PIP5K1B: variants seen among roughly 807,000 people sequenced by gnomAD.
PIP5K1B encodes phosphatidylinositol-4-phosphate 5-kinase type 1 beta.
In PIP5K1B, 42 loss-of-function variants were observed where a neutral mutation model predicts 67.0. That is an observed-to-expected ratio of 0.63 (90% CI 0.49 to 0.81). The LOEUF is 0.81. Among genes scored for constraint, PIP5K1B ranks in the 30% least tolerant of loss-of-function variants. PIP5K1B has a pLI of 0.00. For synonymous variants in PIP5K1B, 214 were observed against 231.4 expected (o/e 0.92, Z 0.68); for missense variants, 459 against 646.3 (o/e 0.71, Z 3.14).
chr9:68,759,171 G>A (rs2132382095), intron 2 of PIP5K1B, among the ~76,000 whole-genome samples: 1 of 152,226 alleles, frequency 6.6e-6, no homozygotes, highest in Non-Finnish European at 1.5e-5. Flanking sequence ...TAGAAATGGT[G>A]AATATCTGGT....
At position 68,972,086 on chromosome 9, in the gene PIP5K1B, C is replaced by G. The variant is rs148404663; in HGVS notation, c.1503-19054C>G. ...CATGTCTATGTCCTGAATGGTAATGCCTAGGTTTTCTTCTAGGGTTTTTAT... is the reference window on the plus strand; with the variant it reads ...CATGTCTATGTCCTGAATGGTAATGGCTAGGTTTTCTTCTAGGGTTTTTAT... On this transcript the variant is annotated intron_variant, in intron 14 of 15. Transcript: ENST00000265382. Among the ~76,000 whole-genome samples, 1,451 of 152,170 alleles carry G rather than the reference C, an allele frequency of 9.5e-3. 25 individuals are homozygous for G. The highest frequency in any genetic ancestry group is 0.033 in the African/African-American group (1,386 of 41,510).
chr9:68,868,430 T>C (rs914533808), intron 5 of PIP5K1B, among the ~76,000 whole-genome samples: 2 of 152,240 alleles, frequency 1.3e-5, no homozygotes, highest in African/African-American at 4.8e-5. Context: ...GAACACTATT[T>C]GGTATATGAA....
At chr9:68,861,832 ATGG>A (rs1351904947) in intron 4 of PIP5K1B, among the ~76,000 whole-genome samples, 3 of 152,044 alleles carry the variant, frequency 2.0e-5, no homozygotes, top group Admixed American at 1.3e-4. Flanking sequence ...CTGACGCCAA[ATGG>A]TGGCATTGCA....
intron 2 of PIP5K1B, among the ~76,000 whole-genome samples, chr9:68,815,242 A>G (rs12551225): frequency 0.29 from 42,461 of 148,452 alleles, 6,185 homozygotes; most frequent in Admixed American, 0.34. Context: ...GGAATACTTT[A>G]TAGCCTAAAT....
intron 5 of PIP5K1B, among the ~76,000 whole-genome samples, chr9:68,866,489 A>G (rs975547278): frequency 1.3e-5 from 2 of 152,156 alleles, no homozygotes; most frequent in Non-Finnish European, 2.9e-5. Context: ...TACATAATAA[A>G]TATAAAATAG....
chr9:68,784,132 G>A (rs527682989), intron 2 of PIP5K1B: 1 of 167,196 alleles, frequency 6.0e-6, no homozygotes, highest in Non-Finnish European at 1.5e-5. Context: ...ATCAGATAAG[G>A]TTCTAAGGGC....
intron 2 of PIP5K1B, among the ~76,000 whole-genome samples, chr9:68,813,322 T>C (rs147979821): frequency 6.6e-6 from 1 of 152,288 alleles, no homozygotes; most frequent in Non-Finnish European, 1.5e-5. Flanking sequence ...GAAGTCCAAA[T>C]TGTTCATTAA....
At chr9:68,804,164 A>C (rs1224060577) in intron 2 of PIP5K1B, among the ~76,000 whole-genome samples, 1 of 152,104 alleles carries the variant, frequency 6.6e-6, no homozygotes, top group Admixed American at 6.5e-5. Context: ...CAAGGTGAAG[A>C]AGAGGTTTCA....
chr9:68,766,917 A>C (rs951495248), intron 2 of PIP5K1B, among the ~76,000 whole-genome samples: 2 of 152,204 alleles, frequency 1.3e-5, no homozygotes, highest in African/African-American at 2.4e-5. Flanking sequence ...AGAGTCAGTA[A>C]CCATGAAAGA....
In PIP5K1B at chr9:68,992,043, G is replaced by A. The variant is rs531293056; in HGVS notation, c.1620+786G>A. Among the ~76,000 whole-genome samples the A allele has an allele frequency of 7.2e-5, 11 of 152,102 alleles. No individual in the cohort carries two copies. The East Asian group carries it at 1.2e-3, about 16-fold the overall frequency. ...TGCAATGGTGCGATCTCGGCTCACC[G>A]CAACCTCCGCCTCCCAGGTTCAAGC... On this transcript the variant is annotated intron_variant, in intron 15 of 15. Transcript: ENST00000265382.
intron 14 of PIP5K1B, among the ~76,000 whole-genome samples, chr9:68,969,580 C>A (rs1027560133): frequency 3.3e-5 from 5 of 151,984 alleles, no homozygotes; most frequent in African/African-American, 7.3e-5. Context: ...CAAGACTTTG[C>A]CATTTATAAG....
intron 4 of PIP5K1B, among the ~76,000 whole-genome samples, chr9:68,839,434 C>T (rs141273000): frequency 0.023 from 3,462 of 151,998 alleles, 86 homozygotes; most frequent in Non-Finnish European, 0.034. Flanking sequence ...CATCTCCTTT[C>T]GAGAAAACCT....
chr9:68,859,312 C>T (rs964671573), intron 4 of PIP5K1B, among the ~76,000 whole-genome samples: 4 of 152,172 alleles, frequency 2.6e-5, no homozygotes, highest in Non-Finnish European at 4.4e-5. Flanking sequence ...TGGGTTAATA[C>T]AGAGGAGCTG....
intron 8 of PIP5K1B, among the ~76,000 whole-genome samples, chr9:68,909,422 T>G (rs961553898): frequency 1.3e-5 from 2 of 151,678 alleles, no homozygotes; most frequent in Non-Finnish European, 2.9e-5. Context: ...AAAAAAAAAC[T>G]ACAATACCAT....
chr9:68,840,163 G>T (rs992221516), intron 4 of PIP5K1B, among the ~76,000 whole-genome samples: 31 of 152,284 alleles, frequency 2.0e-4, no homozygotes, highest in African/African-American at 5.8e-4. Context: ...GATCACCTGA[G>T]GTCAGGAGTT....
Position 68,750,376 on chromosome 9 carries a change from A to G in PIP5K1B, c.-86+7719A>G, listed in dbSNP as rs1829563417. Among the ~76,000 whole-genome samples, 5 of 152,362 alleles carry G rather than the reference A, an allele frequency of 3.3e-5. No individual in the cohort carries two copies. The South Asian group carries it at 6.2e-4, about 19-fold the overall frequency. ...TATAATTCCCTGGATAAGCTGTAACAACAAGCAAAACCCTTCCATCTGTCA... is the reference window on the plus strand; with the variant it reads ...TATAATTCCCTGGATAAGCTGTAACGACAAGCAAAACCCTTCCATCTGTCA... On this transcript the variant is annotated intron_variant, in intron 2 of 15. Transcript: ENST00000265382.
chr9:68,920,035 G>A (rs570173942), intron 11 of PIP5K1B, among the ~76,000 whole-genome samples: 69 of 152,290 alleles, frequency 4.5e-4, no homozygotes, highest in African/African-American at 1.6e-3. Context: ...GATCAGTAGG[G>A]CATTTGAAAT....
At chr9:68,797,416 G>T (rs1832356403) in intron 2 of PIP5K1B, among the ~76,000 whole-genome samples, 1 of 152,224 alleles carries the variant, frequency 6.6e-6, no homozygotes, top group African/African-American at 2.4e-5. Context: ...CAGCAAACAA[G>T]AATTGCAATG....
intron 14 of PIP5K1B, among the ~76,000 whole-genome samples, chr9:68,973,963 C>T (rs886824571): frequency 1.3e-5 from 2 of 152,198 alleles, no homozygotes. Context: ...CTGCAACCTT[C>T]ACCTCCCGGG....
Sources: allele counts gnomAD v4.1 joint callset (sites outside exome capture counted in the v4.1 genomes callset), GRCh38; gene constraint gnomAD v4.1.1; transcripts MANE v1.5; gene names NCBI Gene and HGNC (gene_info 2026-07-23, HGNC 2026-07-21).